Variants in HMGB1 observed in about 807,000 individuals in gnomAD.
HMGB1 encodes the protein high mobility group box 1, also known as high mobility group protein B1.
For synonymous variants in HMGB1, 81 were observed against 84.0 expected (o/e 0.96, Z 0.19); for missense variants, 79 against 253.5 (o/e 0.31, Z 4.67).
At chr13:30,535,591 T>C (rs1446637479) in intron 1 of HMGB1, among the ~76,000 whole-genome samples, 2 of 152,182 alleles carry the variant, frequency 1.3e-5, no homozygotes, top group African/African-American at 4.8e-5. Context: ...TGAATTAATG[T>C]GCACTTTTAA....
At chr13:30,591,133 C>A (rs779428318) in intron 1 of HMGB1, among the ~76,000 whole-genome samples, 74 of 149,032 alleles carry the variant, frequency 5.0e-4, no homozygotes, top group Non-Finnish European at 7.5e-4. Flanking sequence ...AGGGTTCAAG[C>A]AATTCTCCTG....
chr13:30,478,826 G>C (rs763584533), intron 1 of HMGB1, among the ~76,000 whole-genome samples: 12 of 150,850 alleles, frequency 8.0e-5, no homozygotes, highest in East Asian at 1.9e-4. Flanking sequence ...GCCACACGGT[G>C]CCCAGCCCCC....
chr13:30,553,689 C>G, intron 1 of HMGB1: 1 of 860,472 alleles, frequency 1.2e-6, no homozygotes, highest in Non-Finnish European at 2.0e-6. Context: ...CATCATTGAG[C>G]GGGAGTTCAA....
chr13:30,564,376 G>C (rs1870098328), intron 1 of HMGB1, among the ~76,000 whole-genome samples: 1 of 151,418 alleles, frequency 6.6e-6, no homozygotes, highest in South Asian at 2.1e-4. Flanking sequence ...TGAGGCACAA[G>C]AATCATTTGA....
intron 1 of HMGB1, among the ~76,000 whole-genome samples, chr13:30,575,087 T>C (rs1313078081): frequency 1.3e-5 from 2 of 152,230 alleles, no homozygotes; most frequent in Non-Finnish European, 2.9e-5. Flanking sequence ...TGTGCATATG[T>C]TTATTATTTT....
intron 1 of HMGB1, chr13:30,464,294 C>A: frequency 5.1e-6 from 5 of 985,500 alleles, no homozygotes; most frequent in Non-Finnish European, 6.0e-6. Flanking sequence ...CGTTTCCTAT[C>A]GGTTTGGCCC....
chr13:30,555,033 GTTTTT>G (rs1007919529), intron 1 of HMGB1, among the ~76,000 whole-genome samples: 3 of 72,412 alleles, frequency 4.1e-5, no homozygotes, highest in African/African-American at 1.1e-4. Context: ...GTGTCGTTGT[GTTTTT>G]TTTTTTTTTT....
At chr13:30,522,139 G>A (rs1474657839) in intron 1 of HMGB1, among the ~76,000 whole-genome samples, 1 of 129,968 alleles carries the variant, frequency 7.7e-6, no homozygotes, top group Non-Finnish European at 1.6e-5. Flanking sequence ...GCAAGACAAG[G>A]TCTTGCTCTG....
chr13:30,465,998 C>G, upstream of HMGB1: 1 of 976,118 alleles, frequency 1.0e-6, no homozygotes, highest in Non-Finnish European at 1.2e-6. Flanking sequence ...CTCATTGGCC[C>G]GATACCTCCC....
chr13:30,500,536 ATTTTTTTTT>A lies in HMGB1; in HGVS notation c.-14-36851_-14-36843del, dbSNP rs60691018. 2.7e-3 allele frequency among the ~76,000 whole-genome samples: 346 copies of A among 128,398 alleles called. 1 individual carries two copies. The highest frequency in any genetic ancestry group is 3.8e-3 in the Middle Eastern group (1 of 264). 84.2% of individuals were successfully genotyped at this position (128,398 alleles called of 152,430 possible). A position where few individuals can be genotyped will look rare whatever the true frequency, so the allele number is the denominator to read the frequency against. ...ATGTGTGTGCTCCCTCACCTGGCTAATTTTTTTTTTTTTTTTTTTTTTTGAGACAGAGTC... is the reference window on the plus strand; with the variant it reads ...ATGTGTGTGCTCCCTCACCTGGCTAATTTTTTTTTTTTTTGAGACAGAGTC... On this transcript the variant is annotated intron_variant, in intron 1 of 4. Coordinates refer to the HMGB1 transcript ENST00000405805.
In HMGB1 at chr13:30,459,952, A is replaced by T. The variant is rs937318794; in HGVS notation, c.*1405T>A. The stretch of plus-strand genomic sequence containing the variant: ...AACAAATGCAAATGGAAAGAATCCA[A>T]GTCTAAATTATATAACAAAACAGCA... On this transcript the variant is annotated 3_prime_UTR_variant, in exon 5 of 5. Coordinates refer to ENST00000341423, the MANE Select transcript of HMGB1 (RefSeq NM_002128.7). 6.6e-5 allele frequency: 10 copies of T among 152,628 alleles called. No individual in the cohort carries two copies. Among genetic ancestry groups the T allele is most frequent in the Non-Finnish European group, 1.3e-4 (9 of 68,014 alleles). The allele number at this position is 152,628 out of a possible 1,614,324, so 9.5% of individuals were successfully genotyped here. A position where few individuals can be genotyped will look rare whatever the true frequency, so the allele number is the denominator to read the frequency against.
intron 1 of HMGB1, among the ~76,000 whole-genome samples, chr13:30,484,947 C>G (rs17074652): frequency 0.24 from 36,740 of 151,876 alleles, 4,950 homozygotes; most frequent in African/African-American, 0.36. Context: ...CCTCTCACAG[C>G]TGGGTAAATG....
chr13:30,505,485 T>C (rs1311400006), intron 1 of HMGB1, among the ~76,000 whole-genome samples: 1 of 151,950 alleles, frequency 6.6e-6, no homozygotes. Flanking sequence ...ACCATTTTTA[T>C]ATTTTTAATA....
chr13:30,550,447 G>C (rs1305428337), intron 1 of HMGB1, among the ~76,000 whole-genome samples: 1 of 152,204 alleles, frequency 6.6e-6, no homozygotes, highest in Admixed American at 6.5e-5. Context: ...CCCTGACATG[G>C]TGGGGAGGGA....
exon 1 of HMGB1, chr13:30,617,048 T>C: frequency 6.6e-6 from 1 of 152,188 alleles, no homozygotes. Context: ...CCACATGACC[T>C]TCCTACGAAA....
chr13:30,474,541 C>A (rs529796014), intron 1 of HMGB1, among the ~76,000 whole-genome samples: 1 of 152,194 alleles, frequency 6.6e-6, no homozygotes. Flanking sequence ...GGACTGACAG[C>A]GTAAACTGGC....
intron 1 of HMGB1, among the ~76,000 whole-genome samples, chr13:30,577,978 A>G (rs972906092): frequency 1.3e-5 from 2 of 152,154 alleles, no homozygotes; most frequent in African/African-American, 4.8e-5. Context: ...GTTCCACTAC[A>G]GGAACACAGG....
At chr13:30,569,172 A>T (rs1438311035) in intron 1 of HMGB1, among the ~76,000 whole-genome samples, 1 of 152,172 alleles carries the variant, frequency 6.6e-6, no homozygotes, top group Admixed American at 6.5e-5. Flanking sequence ...TCATCCTAGG[A>T]CACAGCCAAG....
intron 1 of HMGB1, among the ~76,000 whole-genome samples, chr13:30,486,641 G>T (rs1887370422): frequency 6.6e-6 from 1 of 152,222 alleles, no homozygotes; most frequent in African/African-American, 2.4e-5. Context: ...GGCCACTCTT[G>T]CTGGAGGCTG....
Sources: allele counts gnomAD v4.1 joint callset (sites outside exome capture counted in the v4.1 genomes callset), GRCh38; gene constraint gnomAD v4.1.1; transcripts MANE v1.5; gene names NCBI Gene and HGNC (gene_info 2026-07-23, HGNC 2026-07-21).